Variants in MED27 observed in about 807,000 individuals in gnomAD.
The protein encoded by MED27 is mediator complex subunit 27.
MED27 carries 30 observed loss-of-function variants against 38.2 expected under a neutral mutation model. The observed-to-expected ratio is 0.79, with a 90% CI of 0.59 to 1.07. The LOEUF (loss-of-function observed/expected upper bound fraction) is 1.07, where lower values mean the gene tolerates loss of function less well. Among genes scored for constraint, MED27 ranks in the 50% least tolerant of loss-of-function variants. The probability of loss-of-function intolerance (pLI) is 0.00; values close to 1 mark genes in which losing one functional copy is unlikely to be tolerated. For missense variants in MED27, 289 were observed against 397.5 expected, an observed-to-expected ratio of 0.73 and a Z score of 2.32; for synonymous variants, 122 against 153.5, an observed-to-expected ratio of 0.79 and a Z score of 1.52.
chr9:131,967,879 C>A (rs1456827954), intron 3 of MED27, among the ~76,000 whole-genome samples: 3 of 143,408 alleles, frequency 2.1e-5, no homozygotes, highest in Non-Finnish European at 4.5e-5. Context: ...AGTGCAGTGG[C>A]GCATCTTGGC....
chr9:131,996,771 C>G (rs1208362864), intron 3 of MED27, among the ~76,000 whole-genome samples: 1 of 152,198 alleles, frequency 6.6e-6, no homozygotes, highest in Non-Finnish European at 1.5e-5. Flanking sequence ...CCTCCTTACT[C>G]TACTCAACAT....
rs575047680 is a variant in MED27, at chr9:131,999,728, C to T, written c.479+14609G>A. Among the ~76,000 whole-genome samples, 5 of 152,146 alleles carry T rather than the reference C, an allele frequency of 3.3e-5. No individual in the cohort carries two copies. The South Asian group carries it at 1.0e-3, about 32-fold the overall frequency. On this transcript the variant is annotated intron_variant, in intron 3 of 7. Transcript: ENST00000292035. ...GTGCTTCAAAGATAAGTTTTTCTAC[C>T]AAAAGAAAATAAAAAATCAGGACAA...
At chr9:132,073,214 T>C in intron 2 of MED27, 1 of 576,076 alleles carries the variant, frequency 1.7e-6, no homozygotes, top group African/African-American at 2.0e-5. Context: ...TCATAAGGTC[T>C]CCAAATTGCC....
chr9:131,976,813 T>C (rs1831616539), intron 3 of MED27, among the ~76,000 whole-genome samples: 1 of 152,224 alleles, frequency 6.6e-6, no homozygotes, highest in African/African-American at 2.4e-5. Context: ...ACTAAGCTGG[T>C]CCTGTCTCTA....
intron 2 of MED27, among the ~76,000 whole-genome samples, chr9:132,038,340 C>T (rs994052130): frequency 1.3e-5 from 2 of 151,584 alleles, no homozygotes; most frequent in African/African-American, 4.8e-5. Flanking sequence ...TACAGGCGCC[C>T]GCCACTACGC....
chr9:132,066,401 C>T (rs1833810573), intron 2 of MED27, among the ~76,000 whole-genome samples: 1 of 152,222 alleles, frequency 6.6e-6, no homozygotes, highest in African/African-American at 2.4e-5. Flanking sequence ...CTGGAGGAGA[C>T]TTCAGAAACA....
chr9:131,973,543 C>T (rs1261009066), intron 3 of MED27, among the ~76,000 whole-genome samples: 2 of 150,644 alleles, frequency 1.3e-5, no homozygotes, highest in African/African-American at 4.9e-5. Flanking sequence ...CTACAACCTC[C>T]GCCTCCTGGG....
chr9:131,912,378 G>A (rs1014270061), intron 4 of MED27, among the ~76,000 whole-genome samples: 17 of 152,156 alleles, frequency 1.1e-4, no homozygotes, highest in African/African-American at 4.1e-4. Flanking sequence ...ACCCACTTTG[G>A]GAAACACTGT....
Position 131,939,337 on chromosome 9 carries a change from T to C in MED27, c.573+44A>G, listed in dbSNP as rs777449206. 8 of 1,382,110 alleles carry C rather than the reference T, an allele frequency of 5.8e-6. No individual in the cohort carries two copies. The South Asian group carries it at 1.0e-4, about 18-fold the overall frequency. 85.6% of individuals were successfully genotyped at this position (1,382,110 alleles called of 1,614,324 possible). On this transcript the variant is annotated intron_variant, in intron 4 of 7. Transcript: ENST00000292035. ...ACCAGAGAGTTAATTGTGAAGTCCA[T>C]TTTTTCCCCCAACATCCCTACAAAT...
intron 3 of MED27, among the ~76,000 whole-genome samples, chr9:131,939,900 CT>C (rs545565196): frequency 0.021 from 2,904 of 136,154 alleles, 47 homozygotes; most frequent in South Asian, 0.091. Flanking sequence ...AAATTCCTTC[CT>C]TTTTTTTTTT....
chr9:132,050,350 T>A (rs1833436477), intron 2 of MED27, among the ~76,000 whole-genome samples: 1 of 152,024 alleles, frequency 6.6e-6, no homozygotes, highest in African/African-American at 2.4e-5. Context: ...AGATGGGAGA[T>A]GAGGGGCGGT....
intron 1 of MED27, among the ~76,000 whole-genome samples, chr9:132,078,434 T>C (rs1245467659): frequency 2.0e-5 from 3 of 151,582 alleles, no homozygotes; most frequent in African/African-American, 7.3e-5. Context: ...GGAGAGAAAA[T>C]GGAAAGAAAA....
chr9:131,960,670 G>T (rs1431454966), intron 3 of MED27, among the ~76,000 whole-genome samples: 1 of 152,162 alleles, frequency 6.6e-6, no homozygotes, highest in Non-Finnish European at 1.5e-5. Context: ...GTACCAACAT[G>T]AATAATAATG....
At chr9:131,989,752 T>A (rs192650236) in intron 3 of MED27, among the ~76,000 whole-genome samples, 7 of 151,704 alleles carry the variant, frequency 4.6e-5, no homozygotes, top group Non-Finnish European at 8.8e-5. Context: ...TCCTGTTTCA[T>A]GTATCCCTCC....
intron 5 of MED27, among the ~76,000 whole-genome samples, chr9:131,888,518 C>T (rs1205277149): frequency 6.6e-6 from 1 of 152,220 alleles, no homozygotes; most frequent in Non-Finnish European, 1.5e-5. Context: ...ACAACCACTG[C>T]CACTAAAATT....
chr9:132,017,899 A>T (rs913698873), intron 2 of MED27, among the ~76,000 whole-genome samples: 2 of 152,238 alleles, frequency 1.3e-5, no homozygotes, highest in African/African-American at 4.8e-5. Context: ...AAAATTAGGA[A>T]AACTTTGATC....
intron 3 of MED27, among the ~76,000 whole-genome samples, chr9:131,977,828 A>G (rs1372384099): frequency 3.9e-5 from 6 of 152,340 alleles, no homozygotes; most frequent in African/African-American, 1.4e-4. Flanking sequence ...GAAACCAATC[A>G]AGCATTTACT....
At chr9:132,055,655 T>C (rs970949344) in intron 2 of MED27, among the ~76,000 whole-genome samples, 6 of 152,110 alleles carry the variant, frequency 3.9e-5, no homozygotes, top group African/African-American at 1.2e-4. Flanking sequence ...AGACAGAACA[T>C]TAGGACAGGT....
rs1023283159 is a variant in MED27, at chr9:132,003,290, C to T, written c.479+11047G>A. ...ATAATTTTCAGACTGCTTCTGCAGG[C>T]TGCCACATTCAACTTAGTGCTTAAT... On this transcript the variant is annotated intron_variant, in intron 3 of 7. Transcript: ENST00000292035. This position sits in a 1 kb window ranked among gnomAD's most constrained non-coding sequence, Gnocchi z 4.2. Among the ~76,000 whole-genome samples, 3 of 152,236 alleles carry T rather than the reference C, an allele frequency of 2.0e-5. No homozygotes were observed. The highest frequency in any genetic ancestry group is 4.8e-5 in the African/African-American group (2 of 41,460).
Sources: allele counts gnomAD v4.1 joint callset (sites outside exome capture counted in the v4.1 genomes callset), GRCh38; gene constraint gnomAD v4.1.1; non-coding constraint Gnocchi (gnomAD v3.1); transcripts MANE v1.5; gene names NCBI Gene and HGNC (gene_info 2026-07-23, HGNC 2026-07-21).